Variants in PPP2R2A observed in about 807,000 individuals in gnomAD.
PPP2R2A encodes serine/threonine-protein phosphatase 2A 55 kDa regulatory subunit B alpha isoform.
Under a neutral mutation model 53.2 loss-of-function variants are expected in PPP2R2A, and 9 were observed. That is an observed-to-expected ratio of 0.17 (90% CI 0.10 to 0.30). The LOEUF is 0.30. Ranked by LOEUF, PPP2R2A falls within the 10% of genes least tolerant of loss-of-function variation. The pLI is 1.00. For missense variants in PPP2R2A, 235 were observed against 534.6 expected (o/e 0.44, Z 5.53); for synonymous variants, 169 against 174.2 (o/e 0.97, Z 0.23).
chr8:26,306,432 C>T (rs1460427027), intron 2 of PPP2R2A, among the ~76,000 whole-genome samples: 2 of 145,198 alleles, frequency 1.4e-5, no homozygotes, highest in East Asian at 2.1e-4. Context: ...GCAAAGATCG[C>T]GCCACTGTAC....
At position 26,362,636 on chromosome 8, in the gene PPP2R2A, A is replaced by G; in HGVS notation, c.638-48A>G. On this transcript the variant is annotated intron_variant, in intron 6 of 9. Transcript: ENST00000380737. This position sits in a 1 kb window ranked among gnomAD's most constrained non-coding sequence, Gnocchi z 4.4. Reference sequence around the variant, plus strand: ...TTAGGTTTGAGAAATGTAGAATTATATTTGCCCTTTTTTCTAAGTGGAAAT... The same window carrying G: ...TTAGGTTTGAGAAATGTAGAATTATGTTTGCCCTTTTTTCTAAGTGGAAAT... The G allele has an allele frequency of 1.9e-6, 3 of 1,566,628 alleles. No individual in the cohort carries two copies. Among genetic ancestry groups the G allele is most frequent in the Non-Finnish European group, 2.6e-6 (3 of 1,142,584 alleles).
At chr8:26,369,416 A>G (rs1194527056) in intron 9 of PPP2R2A, among the ~76,000 whole-genome samples, 1 of 147,588 alleles carries the variant, frequency 6.8e-6, no homozygotes, top group African/African-American at 2.5e-5. Flanking sequence ...TCCGAGACGG[A>G]GTCTTGCTCA....
chr8:26,327,742 T>C (rs1803167809), intron 2 of PPP2R2A, among the ~76,000 whole-genome samples: 1 of 152,130 alleles, frequency 6.6e-6, no homozygotes, highest in South Asian at 2.1e-4. Flanking sequence ...TGGGAAGAAA[T>C]TGGTGCCTTT....
At chr8:26,307,309 C>T (rs909369201) in intron 2 of PPP2R2A, among the ~76,000 whole-genome samples, 3 of 152,160 alleles carry the variant, frequency 2.0e-5, no homozygotes, top group Admixed American at 1.3e-4. Context: ...CTGGAGTCTT[C>T]GGATTGTAGA....
intron 2 of PPP2R2A, among the ~76,000 whole-genome samples, chr8:26,296,709 A>G (rs1585318142): frequency 1.3e-5 from 2 of 152,302 alleles, no homozygotes; most frequent in African/African-American, 4.8e-5. Flanking sequence ...GTAGTTGAAT[A>G]TTTGTTTGAA....
chr8:26,298,128 C>G (rs956500633), intron 2 of PPP2R2A, among the ~76,000 whole-genome samples: 2 of 152,162 alleles, frequency 1.3e-5, no homozygotes, highest in African/African-American at 4.8e-5. Flanking sequence ...TGTGGGCTAT[C>G]TTGACTGGGA....
At chr8:26,368,317 A>T (rs1805485996) in intron 9 of PPP2R2A, among the ~76,000 whole-genome samples, 2 of 152,244 alleles carry the variant, frequency 1.3e-5, no homozygotes, top group Non-Finnish European at 2.9e-5. Context: ...TATTACTTTG[A>T]ACAATTCCCC....
At chr8:26,302,869 A>G (rs1309794974) in intron 2 of PPP2R2A, among the ~76,000 whole-genome samples, 1 of 152,194 alleles carries the variant, frequency 6.6e-6, no homozygotes, top group Non-Finnish European at 1.5e-5. Flanking sequence ...TTAATGTGTG[A>G]GGTTTATTAC....
intron 9 of PPP2R2A, among the ~76,000 whole-genome samples, chr8:26,369,693 A>G (rs534418049): frequency 1.5e-4 from 23 of 152,266 alleles, no homozygotes; most frequent in African/African-American, 5.5e-4. Context: ...CGCCCGGCCC[A>G]AAAAATGTAA....
At chr8:26,292,647 A>G (rs1011870852) in intron 1 of PPP2R2A, among the ~76,000 whole-genome samples, 2 of 152,226 alleles carry the variant, frequency 1.3e-5, no homozygotes, top group Admixed American at 1.3e-4. Context: ...TTTGGAAATA[A>G]ATTTAGCAAG....
intron 4 of PPP2R2A, among the ~76,000 whole-genome samples, chr8:26,359,192 A>G (rs952914848): frequency 1.3e-5 from 2 of 152,176 alleles, no homozygotes; most frequent in Non-Finnish European, 2.9e-5. Flanking sequence ...CACCACCACT[A>G]CTCAAAACTG....
chr8:26,366,236 C>CT, intron 8 of PPP2R2A, 79 bp from the exon 9 acceptor site: 2 of 1,158,192 alleles, frequency 1.7e-6, no homozygotes, highest in Non-Finnish European at 2.5e-6. Context: ...TGTATATGCC[C>CT]TTTTTTTCTT....
chr8:26,340,200 A>G (rs1336334274), intron 3 of PPP2R2A, among the ~76,000 whole-genome samples: 1 of 152,054 alleles, frequency 6.6e-6, no homozygotes, highest in African/African-American at 2.4e-5. Context: ...CTTAGAGTTG[A>G]CATGGAACCT....
intron 2 of PPP2R2A, among the ~76,000 whole-genome samples, chr8:26,302,635 A>T (rs2117205333): frequency 6.6e-6 from 1 of 152,342 alleles, no homozygotes; most frequent in African/African-American, 2.4e-5. Context: ...CACCTATTAA[A>T]ATATTCCTCC....
At chr8:26,314,596 C>G (rs1802448820) in intron 2 of PPP2R2A, among the ~76,000 whole-genome samples, 1 of 152,186 alleles carries the variant, frequency 6.6e-6, no homozygotes, top group South Asian at 2.1e-4. Flanking sequence ...TACTTCCACA[C>G]TTTCAAGTTT....
intron 2 of PPP2R2A, among the ~76,000 whole-genome samples, chr8:26,302,904 A>G (rs926970594): frequency 2.6e-5 from 4 of 152,356 alleles, no homozygotes; most frequent in South Asian, 2.1e-4. Flanking sequence ...GAAATATTTT[A>G]AAGTTTAAAA....
chr8:26,344,281 T>A (rs553654909), intron 3 of PPP2R2A, among the ~76,000 whole-genome samples: 1 of 152,316 alleles, frequency 6.6e-6, no homozygotes, highest in East Asian at 1.9e-4. Context: ...AAATGAGATT[T>A]AGAGAGGATA....
intron 2 of PPP2R2A, among the ~76,000 whole-genome samples, chr8:26,297,682 CCTGT>C: frequency 6.6e-6 from 1 of 152,082 alleles, no homozygotes. Context: ...AACAATAAAA[CCTGT>C]CTTACAGTGT....
chr8:26,345,100 T>C (rs1395795629), intron 3 of PPP2R2A, among the ~76,000 whole-genome samples: 1 of 152,226 alleles, frequency 6.6e-6, no homozygotes, highest in African/African-American at 2.4e-5. Flanking sequence ...ACTTGTGTCA[T>C]GTTGACAGTA....
Sources: allele counts gnomAD v4.1 joint callset (sites outside exome capture counted in the v4.1 genomes callset), GRCh38; gene constraint gnomAD v4.1.1; non-coding constraint Gnocchi (gnomAD v3.1); transcripts MANE v1.5; gene names NCBI Gene and HGNC (gene_info 2026-07-23, HGNC 2026-07-21).